Variants in TUNAR observed in about 807,000 individuals in gnomAD.
TUNAR encodes transmembrane neural differentiation associated intracellular calcium regulator.
intron 2 of TUNAR, among the ~76,000 whole-genome samples, chr14:95,919,561 AT>A: frequency 6.6e-6 from 1 of 151,936 alleles, no homozygotes; most frequent in South Asian, 2.1e-4. Flanking sequence ...AAATGTAAAA[AT>A]TTTAGCTGGG....
chr14:95,911,324 G>A (rs1396291697), intron 2 of TUNAR, among the ~76,000 whole-genome samples: 1 of 152,188 alleles, frequency 6.6e-6, no homozygotes, highest in Non-Finnish European at 1.5e-5. Flanking sequence ...TCTCAGCTCA[G>A]ACCTCCTATC....
intron 2 of TUNAR, among the ~76,000 whole-genome samples, chr14:95,915,645 AC>A (rs1889592180): frequency 1.3e-5 from 2 of 152,234 alleles, no homozygotes; most frequent in South Asian, 4.1e-4. Context: ...CTGGGATTCC[AC>A]ACTGAACCCT....
At position 95,909,852 on chromosome 14, in the gene TUNAR, C is replaced by T. The variant is rs571564585; in HGVS notation, c.13-12929C>T. Among the ~76,000 whole-genome samples the T allele has an allele frequency of 6.6e-5, 10 of 152,244 alleles. No homozygotes were observed. The South Asian group carries it at 1.0e-3, about 16-fold the overall frequency. Reference sequence around the variant, plus strand: ...ATAGGGCAGGAGTTGCCCAGACATCCGAAGACGGGGTCCTGGGAAATGCTA... The same window carrying T: ...ATAGGGCAGGAGTTGCCCAGACATCTGAAGACGGGGTCCTGGGAAATGCTA... On this transcript the variant is annotated intron_variant, in intron 2 of 2. Transcript: ENST00000678517.
rs1447631145 is a variant in TUNAR at position 95,915,261 on chromosome 14, CTGTTTTT to C, written c.13-7517_13-7511del. On this transcript the variant is annotated intron_variant, in intron 2 of 2. Coordinates refer to ENST00000678517, the Ensembl canonical transcript of TUNAR. ...GTTCCAACTGCCTTAAGCAAAAACA[CTGTTTTT>C]TGCAGGGATATGGGGTAGTTCATGG... 2.6e-5 allele frequency among the ~76,000 whole-genome samples: 4 copies of C among 152,180 alleles called. No homozygotes were observed. The East Asian group carries it at 7.7e-4, about 29-fold the overall frequency.
At chr14:95,888,146 A>C (rs1382174579) in intron 2 of TUNAR, among the ~76,000 whole-genome samples, 1 of 152,226 alleles carries the variant, frequency 6.6e-6, no homozygotes, top group Non-Finnish European at 1.5e-5. Context: ...AATTTGCTTC[A>C]GCCTTTATGA....
intron 2 of TUNAR, among the ~76,000 whole-genome samples, chr14:95,877,794 A>G (rs1888914410): frequency 6.6e-6 from 1 of 152,212 alleles, no homozygotes; most frequent in Non-Finnish European, 1.5e-5. Flanking sequence ...GATGAAATAA[A>G]TTGCCTGTAG....
intron 2 of TUNAR, among the ~76,000 whole-genome samples, chr14:95,889,004 G>A (rs1000213838): frequency 3.3e-5 from 5 of 152,190 alleles, no homozygotes; most frequent in Non-Finnish European, 7.4e-5. Flanking sequence ...CCCGTGAAAC[G>A]GGACCTCTGT....
intron 2 of TUNAR, among the ~76,000 whole-genome samples, chr14:95,899,045 C>A (rs1371397851): frequency 6.6e-6 from 1 of 152,176 alleles, no homozygotes; most frequent in Non-Finnish European, 1.5e-5. Flanking sequence ...CCCTTCCCCC[C>A]AAAACTTGAT....
chr14:95,913,324 C>T (rs377632813), intron 2 of TUNAR, among the ~76,000 whole-genome samples: 9 of 152,082 alleles, frequency 5.9e-5, no homozygotes, highest in African/African-American at 9.7e-5. Context: ...CCTTGTCCCC[C>T]ACTCCCCGAC....
intron 2 of TUNAR, among the ~76,000 whole-genome samples, chr14:95,900,100 CT>C (rs200725030): frequency 9.9e-5 from 15 of 152,144 alleles, no homozygotes; most frequent in Admixed American, 2.0e-4. Flanking sequence ...TTCTTTATTC[CT>C]TTTTTTCCCC....
intron 2 of TUNAR, among the ~76,000 whole-genome samples, chr14:95,888,944 C>T (rs921979016): frequency 6.6e-6 from 1 of 152,114 alleles, no homozygotes; most frequent in African/African-American, 2.4e-5. Flanking sequence ...TGTCGGATCC[C>T]GAGCATGGCC....
chr14:95,892,632 C>T (rs1889200714), intron 2 of TUNAR, among the ~76,000 whole-genome samples: 1 of 152,242 alleles, frequency 6.6e-6, no homozygotes, highest in African/African-American at 2.4e-5. Context: ...GGCAGGGATG[C>T]CTGGCCATCT....
At chr14:95,893,650 C>T (rs976960905) in intron 2 of TUNAR, among the ~76,000 whole-genome samples, 27 of 152,072 alleles carry the variant, frequency 1.8e-4, no homozygotes, top group African/African-American at 5.8e-4. Context: ...TAGACAAGAC[C>T]CGTTGCCAGA....
chr14:95,923,786 T>C (rs1889738810), exon 3 of TUNAR: 2 of 152,214 alleles, frequency 1.3e-5, no homozygotes, highest in South Asian at 4.1e-4. Flanking sequence ...CTGTCAGCCA[T>C]GGTTTTGGGT....
At chr14:95,911,974 T>C (rs1423947086) in intron 2 of TUNAR, among the ~76,000 whole-genome samples, 1 of 152,212 alleles carries the variant, frequency 6.6e-6, no homozygotes, top group African/African-American at 2.4e-5. Context: ...TGGCCCCTTT[T>C]GGTTTTCAAA....
chr14:95,901,626 C>G (rs1207301570), intron 2 of TUNAR, among the ~76,000 whole-genome samples: 1 of 152,212 alleles, frequency 6.6e-6, no homozygotes, highest in Admixed American at 6.5e-5. Context: ...CCACAACTTC[C>G]TTTTCTGGAA....
chr14:95,918,086 T>A (rs1889634915), intron 2 of TUNAR, among the ~76,000 whole-genome samples: 1 of 152,198 alleles, frequency 6.6e-6, no homozygotes, highest in Admixed American at 6.5e-5. Flanking sequence ...TTGCTTGTTG[T>A]TTATTTTTAA....
rs1215760053 is a variant in TUNAR at position 95,895,287 on chromosome 14, A to C, written c.12+18110A>C. 6.6e-6 allele frequency among the ~76,000 whole-genome samples: 1 copy of C among 152,200 alleles called. No homozygotes were observed. Among genetic ancestry groups the C allele is most frequent in the Non-Finnish European group, 1.5e-5 (1 of 68,026 alleles). On this transcript the variant is annotated intron_variant, in intron 2 of 2. Transcript: ENST00000678517. This position sits in a 1 kb window ranked among gnomAD's most constrained non-coding sequence, Gnocchi z 4.5. Reference sequence around the variant, plus strand: ...GCATGGGCCAGCGGGAAGGGCAGGAAGCTAGGACTGGGCAAGATAGAAAGA... The same window carrying C: ...GCATGGGCCAGCGGGAAGGGCAGGACGCTAGGACTGGGCAAGATAGAAAGA...
At chr14:95,886,620 C>G (rs1329262182) in intron 2 of TUNAR, among the ~76,000 whole-genome samples, 1 of 152,196 alleles carries the variant, frequency 6.6e-6, no homozygotes, top group Non-Finnish European at 1.5e-5. Flanking sequence ...CTGGAGGGTT[C>G]CCTGCCCCAG....
Sources: allele counts gnomAD v4.1 joint callset (sites outside exome capture counted in the v4.1 genomes callset), GRCh38; gene constraint gnomAD v4.1.1; non-coding constraint Gnocchi (gnomAD v3.1); transcripts MANE v1.5; gene names NCBI Gene and HGNC (gene_info 2026-07-23, HGNC 2026-07-21).